Variants in KDM4B observed in about 807,000 individuals in gnomAD.
The protein encoded by KDM4B is lysine-specific demethylase 4B.
A neutral mutation model predicts 125.2 loss-of-function variants in KDM4B; 32 were observed. The observed-to-expected ratio is 0.26, with a 90% confidence interval of 0.19 to 0.34. KDM4B has a LOEUF of 0.34. KDM4B is among the 10% of genes least tolerant of loss of function. KDM4B has a pLI of 1.00. For synonymous variants in KDM4B, 721 were observed against 677.9 expected (o/e 1.06, Z -0.99); for missense variants, 1,190 against 1,577.7 (o/e 0.75, Z 4.16).
intron 1 of KDM4B, among the ~76,000 whole-genome samples, chr19:4,970,511 C>G (rs1053292705): frequency 6.6e-6 from 1 of 152,114 alleles, no homozygotes; most frequent in Non-Finnish European, 1.5e-5. Context: ...GGATCGGTGC[C>G]CTGCCCCAGT....
At chr19:5,057,063 T>TGTGTGTGTGTGTGC (rs1555701553) in intron 6 of KDM4B, among the ~76,000 whole-genome samples, 9 of 134,364 alleles carry the variant, frequency 6.7e-5, no homozygotes, top group African/African-American at 2.5e-4. Flanking sequence ...TGTGTGTGTG[T>TGTGTGTGTGTGTGC]GTGCGCGCGC....
At chr19:5,123,185 C>T (rs964357412) in intron 11 of KDM4B, among the ~76,000 whole-genome samples, 9 of 152,252 alleles carry the variant, frequency 5.9e-5, no homozygotes, top group African/African-American at 4.8e-5. Flanking sequence ...CTCTCGGACA[C>T]GACCTCGCGT....
Position 5,114,141 on chromosome 19 carries a change from A to T in KDM4B, c.1115+3323A>T, listed in dbSNP as rs963810566. On this transcript the variant is annotated intron_variant, in intron 10 of 22. Transcript: ENST00000159111. The surrounding 1 kb of genome is among the most constrained non-coding windows in gnomAD (Gnocchi z 5.8). Reference sequence around the variant, plus strand: ...GCCCTGCCTGAGCCGGAGCCCTCACAGTGCTCTCTGGCACCCACGCGACGC... The same window carrying T: ...GCCCTGCCTGAGCCGGAGCCCTCACTGTGCTCTCTGGCACCCACGCGACGC... 3.1e-6 allele frequency: 4 copies of T among 1,288,896 alleles called. No individual in the cohort carries two copies. In the African/African-American group the frequency reaches 6.1e-5, roughly 20 times the overall value. 79.8% of individuals were successfully genotyped at this position (1,288,896 alleles called of 1,614,324 possible).
At chr19:5,087,476 A>T (rs2038542398) in intron 9 of KDM4B, among the ~76,000 whole-genome samples, 1 of 152,160 alleles carries the variant, frequency 6.6e-6, no homozygotes, top group Non-Finnish European at 1.5e-5. Context: ...AGGTCCCCAG[A>T]CATCACCTGC....
At chr19:5,124,845 C>T (rs1000381724) in intron 11 of KDM4B, among the ~76,000 whole-genome samples, 2 of 152,184 alleles carry the variant, frequency 1.3e-5, no homozygotes, top group African/African-American at 4.8e-5. Flanking sequence ...ATCCACTTGC[C>T]TCAGCCTCCC....
At chr19:5,048,604 G>T (rs550368190) in intron 6 of KDM4B, among the ~76,000 whole-genome samples, 1,851 of 152,182 alleles carry the variant, frequency 0.012, 28 homozygotes, top group Non-Finnish European at 0.019. Context: ...GCGGGGAGAG[G>T]GGGGGGCGGG....
chr19:5,030,036 A>G (rs2036401748), intron 2 of KDM4B, among the ~76,000 whole-genome samples: 1 of 152,190 alleles, frequency 6.6e-6, no homozygotes, highest in East Asian at 1.9e-4. Flanking sequence ...TGCTGCTGGC[A>G]GCTGTGGCCA....
intron 1 of KDM4B, among the ~76,000 whole-genome samples, chr19:4,983,337 C>T (rs1402806976): frequency 2.0e-5 from 3 of 152,144 alleles, no homozygotes; most frequent in Non-Finnish European, 2.9e-5. Context: ...ATCCTGCCCC[C>T]GCCTATCCCA....
intron 2 of KDM4B, among the ~76,000 whole-genome samples, chr19:5,027,378 A>C (rs1470153844): frequency 6.6e-6 from 1 of 152,128 alleles, no homozygotes; most frequent in Non-Finnish European, 1.5e-5. Flanking sequence ...TCCCCAAGAC[A>C]AAAGGTCTGG....
chr19:4,969,570 C>T (rs2034173177), intron 1 of KDM4B, among the ~76,000 whole-genome samples: 1 of 151,540 alleles, frequency 6.6e-6, no homozygotes, highest in Non-Finnish European at 1.5e-5. Context: ...AAGATGACAG[C>T]GTGGGTGGCC....
At chr19:4,991,674 C>T (rs1368706285) in intron 1 of KDM4B, among the ~76,000 whole-genome samples, 1 of 152,174 alleles carries the variant, frequency 6.6e-6, no homozygotes, top group Non-Finnish European at 1.5e-5. Context: ...TTGCGACATT[C>T]TGTTACCTGC....
intron 1 of KDM4B, among the ~76,000 whole-genome samples, chr19:5,011,905 T>C (rs2035738933): frequency 1.3e-5 from 2 of 152,140 alleles, no homozygotes; most frequent in Admixed American, 6.5e-5. Flanking sequence ...CCGCCAGTGG[T>C]CTCTTCTTCC....
chr19:5,108,567 G>A (rs1036471983), intron 9 of KDM4B, among the ~76,000 whole-genome samples: 2 of 152,212 alleles, frequency 1.3e-5, no homozygotes, highest in African/African-American at 4.8e-5. Context: ...TCGTAAATAT[G>A]TGAGTGTCTC....
chr19:5,068,729 C>G (rs2037855056), intron 6 of KDM4B, among the ~76,000 whole-genome samples: 1 of 152,252 alleles, frequency 6.6e-6, no homozygotes, highest in Non-Finnish European at 1.5e-5. Context: ...TGCCCGGCCT[C>G]TTGTCCAAGA....
chr19:5,013,893 G>A (rs931328163), intron 1 of KDM4B, among the ~76,000 whole-genome samples: 5 of 152,228 alleles, frequency 3.3e-5, no homozygotes, highest in South Asian at 2.1e-4. Context: ...TGACAGTGTC[G>A]GGTAGGCCTG....
chr19:4,994,565 CA>C (rs397820720), intron 1 of KDM4B, among the ~76,000 whole-genome samples: 826 of 45,654 alleles, frequency 0.018, 5 homozygotes, highest in African/African-American at 0.043. Flanking sequence ...CTCTGTCTCT[CA>C]AAAAAAAAAA....
chr19:5,028,454 C>T (rs980541967), intron 2 of KDM4B, among the ~76,000 whole-genome samples: 3 of 152,170 alleles, frequency 2.0e-5, no homozygotes, highest in African/African-American at 7.2e-5. Context: ...CATGGATGGG[C>T]CATGTTGTGT....
Position 5,135,473 on chromosome 19 carries a change from G to C in KDM4B, c.2220G>C (p.Thr740=). ...GCTTCACCTCTGGCGGTGAGAACAC[G>C]GAGCCGCTGCCTGCCAACTCCTACA... ...EMCFTSGGEN[T]EPLPANSYIG... is the part of the protein sequence containing the mutation. The change falls in exon 15 of 23, where the codon ACG becomes ACC. Residue 740 remains threonine, a synonymous_variant. Transcript: ENST00000159111. 1 of 1,613,266 alleles carries C rather than the reference G, an allele frequency of 6.2e-7. No homozygotes were observed. Among genetic ancestry groups the C allele is most frequent in the Non-Finnish European group, 8.5e-7 (1 of 1,179,946 alleles).
intron 9 of KDM4B, among the ~76,000 whole-genome samples, chr19:5,093,591 C>T (rs973553367): frequency 2.6e-5 from 4 of 152,354 alleles, no homozygotes; most frequent in African/African-American, 7.2e-5. Context: ...CCTTCCCACG[C>T]GTTCTGTGAG....
Sources: gnomAD v4.1 joint callset for allele counts (sites outside exome capture counted in the v4.1 genomes callset) on GRCh38, gnomAD v4.1.1 for gene constraint, Gnocchi (gnomAD v3.1) non-coding constraint, MANE v1.5 for transcripts, NCBI Gene and HGNC (gene_info 2026-07-23, HGNC 2026-07-21) for gene names.